Variants in MRAP2 observed in about 807,000 individuals in gnomAD.
MRAP2 encodes the protein melanocortin 2 receptor accessory protein 2.
Under a neutral mutation model 17.4 loss-of-function variants are expected in MRAP2, and 20 were observed. The ratio of observed to expected loss-of-function variants is 1.15; its 90% confidence interval spans 0.81 to 1.67. The LOEUF is 1.67. MRAP2 is among the 40% of genes most tolerant of loss of function. The pLI, the probability that MRAP2 is intolerant of heterozygous loss-of-function variation, is 0.00. For missense variants in MRAP2, 238 were observed against 240.0 expected (o/e 0.99, Z 0.05); for synonymous variants, 96 against 88.4 (o/e 1.09, Z -0.48).
the MRAP2 span, among the ~76,000 whole-genome samples, chr6:84,101,228 C>T: frequency 2.6e-5 from 4 of 152,116 alleles, no homozygotes; most frequent in East Asian, 7.7e-4. Context: ...ATACACTGGC[C>T]CTTTATCTTA....
At position 84,089,457 on chromosome 6, in the gene MRAP2, G is replaced by A. The variant is rs781179483; in HGVS notation, c.594G>A (p.Gln198=). The A allele has an allele frequency of 7.4e-6, 12 of 1,613,504 alleles. No homozygotes were observed. The highest frequency in any genetic ancestry group is 9.3e-6 in the Non-Finnish European group (11 of 1,179,866). ...PIVLETKPLS[Q]TSHKDLD The stretch of plus-strand genomic sequence containing the variant: ...TTCTGGAAACTAAGCCACTTTCCCA[G>A]ACCTCACACAAAGACCTGGATTGAG... Residue 198 remains glutamine (Q), a synonymous_variant, in exon 4 of 4, where the codon CAG becomes CAA. Transcript: ENST00000257776.
chr6:84,076,754 A>T (rs1008714152), intron 3 of MRAP2, among the ~76,000 whole-genome samples: 2 of 152,244 alleles, frequency 1.3e-5, no homozygotes, highest in African/African-American at 4.8e-5. Context: ...TGAGTGGGGC[A>T]AACTGAAGAC....
chr6:84,068,535 T>C lies in MRAP2; in HGVS notation c.227+5543T>C, dbSNP rs143970028. 6.0e-3 allele frequency among the ~76,000 whole-genome samples: 907 copies of C among 152,304 alleles called. 5 individuals carry two copies. Among genetic ancestry groups the C allele is most frequent in the African/African-American group, 0.021 (875 of 41,570 alleles). ...TCCATGAGCATGGGATGTGTTTTCATGTGTTTGTTTTATCTATGATTTCTT... is the reference window on the plus strand; with the variant it reads ...TCCATGAGCATGGGATGTGTTTTCACGTGTTTGTTTTATCTATGATTTCTT... On this transcript the variant is annotated intron_variant, in intron 3 of 3. Coordinates refer to ENST00000257776, the MANE Select transcript of MRAP2 (RefSeq NM_138409.4).
chr6:84,057,932 G>A (rs1444761766), intron 2 of MRAP2, among the ~76,000 whole-genome samples: 1 of 152,116 alleles, frequency 6.6e-6, no homozygotes, highest in Non-Finnish European at 1.5e-5. Context: ...ATATATCTGG[G>A]GGAAGAACAT....
chr6:84,102,834 G>T, the MRAP2 span, among the ~76,000 whole-genome samples: 1 of 152,130 alleles, frequency 6.6e-6, no homozygotes, highest in African/African-American at 2.4e-5. Flanking sequence ...AGGTGGGCAG[G>T]TGGAATGTGT....
At chr6:84,035,361 C>T (rs2099485702) in intron 1 of MRAP2, 1 of 921,242 alleles carries the variant, frequency 1.1e-6, no homozygotes, top group Non-Finnish European at 1.3e-6. Flanking sequence ...CTCAAAACTA[C>T]CTAGGGAAGC....
chr6:84,101,254 T>C, the MRAP2 span, among the ~76,000 whole-genome samples: 4 of 152,306 alleles, frequency 2.6e-5, no homozygotes, highest in Middle Eastern at 3.4e-3. Flanking sequence ...CTCAGGAAGA[T>C]TATTTTCATG....
chr6:84,079,178 GAATA>G (rs2129173152), intron 3 of MRAP2, among the ~76,000 whole-genome samples: 1 of 152,268 alleles, frequency 6.6e-6, no homozygotes, highest in Non-Finnish European at 1.5e-5. Context: ...GCAGGAGAAT[GAATA>G]AATAGATTGT....
At chr6:84,062,681 T>A in intron 2 of MRAP2, 1 of 985,430 alleles carries the variant, frequency 1.0e-6, no homozygotes, top group Non-Finnish European at 1.2e-6. Context: ...CTAAATCCCT[T>A]CATGCTATCT....
At chr6:84,078,514 G>A (rs2099498173) in intron 3 of MRAP2, among the ~76,000 whole-genome samples, 2 of 152,186 alleles carry the variant, frequency 1.3e-5, no homozygotes, top group Non-Finnish European at 2.9e-5. Flanking sequence ...CTATGGCTTG[G>A]ATAGCTTGTT....
chr6:84,079,682 G>T (rs1036407396), intron 3 of MRAP2, among the ~76,000 whole-genome samples: 1 of 152,140 alleles, frequency 6.6e-6, no homozygotes, highest in South Asian at 2.1e-4. Flanking sequence ...TTGGTAATAG[G>T]GCACTGCAGT....
At chr6:84,135,433 C>A in the MRAP2 span, among the ~76,000 whole-genome samples, 1 of 152,210 alleles carries the variant, frequency 6.6e-6, no homozygotes, top group African/African-American at 2.4e-5. Flanking sequence ...TTCAAACAAT[C>A]TGTGCGTAGC....
chr6:84,097,909 C>T, the MRAP2 span, among the ~76,000 whole-genome samples: 14 of 152,136 alleles, frequency 9.2e-5, no homozygotes, highest in Middle Eastern at 3.4e-3. Context: ...TTATCTCAGT[C>T]GAATCAGGCA....
At chr6:84,035,427 GAT>G in intron 1 of MRAP2, 2 of 984,700 alleles carry the variant, frequency 2.0e-6, no homozygotes, top group Non-Finnish European at 2.4e-6. Flanking sequence ...AATCTACTGG[GAT>G]ATAGATCAGG....
At chr6:84,109,603 TTTA>T in the MRAP2 span, among the ~76,000 whole-genome samples, 1 of 152,100 alleles carries the variant, frequency 6.6e-6, no homozygotes, top group East Asian at 1.9e-4. Context: ...ACTCAACTTC[TTTA>T]TTATTATTAT....
At chr6:84,099,899 G>A in the MRAP2 span, among the ~76,000 whole-genome samples, 4 of 142,010 alleles carry the variant, frequency 2.8e-5, no homozygotes, top group African/African-American at 1.1e-4. Context: ...TTCTTGCTCT[G>A]TTCCCCAGGG....
chr6:84,071,468 T>G (rs1479408876), intron 3 of MRAP2, among the ~76,000 whole-genome samples: 1 of 152,222 alleles, frequency 6.6e-6, no homozygotes, highest in Non-Finnish European at 1.5e-5. Context: ...TGATAGGTTT[T>G]TCCTTTATAG....
rs112401879 is a variant in MRAP2 at position 84,055,534 on chromosome 6, T to C, written c.127+89T>C. ...AAGGATTACTTCTCCTGAGCATTCT[T>C]TCTTCTTTACAGAACTCTCTGTCCT... On this transcript the variant is annotated intron_variant, in intron 2 of 3. Transcript: ENST00000257776. 3 of 1,359,350 alleles carry C rather than the reference T, an allele frequency of 2.2e-6. No individual in the cohort carries two copies. In the African/African-American group the frequency reaches 4.4e-5, roughly 20 times the overall value. 84.2% of individuals were successfully genotyped at this position (1,359,350 alleles called of 1,614,324 possible). A position where few individuals can be genotyped will look rare whatever the true frequency, so the allele number is the denominator to read the frequency against.
chr6:84,041,463 C>T (rs1484109111), intron 1 of MRAP2, among the ~76,000 whole-genome samples: 1 of 152,204 alleles, frequency 6.6e-6, no homozygotes, highest in Non-Finnish European at 1.5e-5. Context: ...CCTCCAGTCG[C>T]CAGAATGGTG....
Sources: allele counts gnomAD v4.1 joint callset (sites outside exome capture counted in the v4.1 genomes callset), GRCh38; gene constraint gnomAD v4.1.1; transcripts MANE v1.5; gene names NCBI Gene and HGNC (gene_info 2026-07-23, HGNC 2026-07-21).